RABGAP1L: variants seen among roughly 807,000 people sequenced by gnomAD.
The protein encoded by RABGAP1L is rab GTPase-activating protein 1-like.
In RABGAP1L, 63 loss-of-function variants were observed where a neutral mutation model predicts 137.7. The observed-to-expected ratio is 0.46, with a 90% CI of 0.37 to 0.56. The LOEUF is 0.56. Ranked by LOEUF, RABGAP1L falls within the 20% of genes least tolerant of loss-of-function variation. The probability of loss-of-function intolerance (pLI) is 0.00; values close to 1 mark genes in which losing one functional copy is unlikely to be tolerated. For missense variants in RABGAP1L, 1,095 were observed against 1,244.0 expected (o/e 0.88, Z 1.80); for synonymous variants, 431 against 433.7 (o/e 0.99, Z 0.08).
intron 13 of RABGAP1L, among the ~76,000 whole-genome samples, chr1:174,446,633 T>C (rs1405136585): frequency 1.3e-5 from 2 of 152,230 alleles, no homozygotes; most frequent in African/African-American, 4.8e-5. Context: ...TTCATCTTGA[T>C]ACTTTAGAGG....
intron 20 of RABGAP1L, among the ~76,000 whole-genome samples, chr1:174,962,196 A>ACC (rs146127956): frequency 0.21 from 15,846 of 76,956 alleles, 2,464 homozygotes; most frequent in East Asian, 0.29. Context: ...ATAAAAATAC[A>ACC]CCCCCCCCCC....
At chr1:174,238,282 CTCCA>C (rs1246809068) in intron 4 of RABGAP1L, among the ~76,000 whole-genome samples, 1 of 152,206 alleles carries the variant, frequency 6.6e-6, no homozygotes. Flanking sequence ...GTCAGTCATT[CTCCA>C]TCCAGGTTTG....
intron 13 of RABGAP1L, among the ~76,000 whole-genome samples, chr1:174,438,762 A>G (rs1480049784): frequency 3.5e-5 from 5 of 142,784 alleles, no homozygotes; most frequent in African/African-American, 1.3e-4. Context: ...ATATATATAT[A>G]TATATATATA....
intron 7 of RABGAP1L, among the ~76,000 whole-genome samples, chr1:174,253,545 A>G (rs1672883280): frequency 1.3e-5 from 2 of 152,178 alleles, no homozygotes; most frequent in Admixed American, 1.3e-4. Context: ...AATACCTAGT[A>G]CTTCTTTGTC....
intron 13 of RABGAP1L, among the ~76,000 whole-genome samples, chr1:174,587,341 T>C (rs186797364): frequency 0.022 from 3,361 of 149,594 alleles, 59 homozygotes; most frequent in Middle Eastern, 0.086. Flanking sequence ...ATACTTAATG[T>C]TAGATGACGA....
intron 13 of RABGAP1L, among the ~76,000 whole-genome samples, chr1:174,608,787 C>A (rs1179250428): frequency 8.6e-5 from 13 of 152,012 alleles, no homozygotes; most frequent in Non-Finnish European, 1.5e-5. Flanking sequence ...ACTGTACAGA[C>A]TGATTGAAGG....
chr1:174,586,640 C>G (rs1572409014), intron 13 of RABGAP1L, among the ~76,000 whole-genome samples: 1 of 152,112 alleles, frequency 6.6e-6, no homozygotes, highest in African/African-American at 2.4e-5. Flanking sequence ...TCTCATTGCC[C>G]AGGCTGGAGT....
chr1:174,614,830 A>G (rs553311405), intron 13 of RABGAP1L, among the ~76,000 whole-genome samples: 3 of 152,042 alleles, frequency 2.0e-5, no homozygotes, highest in South Asian at 2.1e-4. Flanking sequence ...CATTCATTTG[A>G]TCTTCCATCA....
chr1:174,410,619 T>C (rs1649814344), intron 13 of RABGAP1L, among the ~76,000 whole-genome samples: 1 of 152,196 alleles, frequency 6.6e-6, no homozygotes, highest in Non-Finnish European at 1.5e-5. Flanking sequence ...TTGTACCAAT[T>C]ATCATGCTGT....
At chr1:174,984,030 A>G (rs1215759650) in intron 24 of RABGAP1L, among the ~76,000 whole-genome samples, 14 of 147,076 alleles carry the variant, frequency 9.5e-5, no homozygotes, top group Non-Finnish European at 1.8e-4. Flanking sequence ...ACTCTCCTGA[A>G]GTGAATTTTT....
At chr1:174,969,144 T>C in intron 20 of RABGAP1L, 133 bp from the exon 21 acceptor site, 1 of 665,432 alleles carries the variant, frequency 1.5e-6, no homozygotes, top group South Asian at 1.8e-5. Flanking sequence ...AATCCTGCCT[T>C]CCTGTGCCAC....
chr1:174,547,130 T>G (rs554162108), intron 13 of RABGAP1L, among the ~76,000 whole-genome samples: 8 of 150,512 alleles, frequency 5.3e-5, no homozygotes, highest in Non-Finnish European at 8.9e-5. Context: ...AGTTTTGACA[T>G]AGAGATTTAA....
rs1158618810 is a variant in RABGAP1L, at chr1:174,989,995, C to T, written c.3150C>T (p.Ser1050=). 10 of 1,541,620 alleles carry T rather than the reference C, an allele frequency of 6.5e-6. No homozygotes were observed. The highest frequency in any genetic ancestry group is 7.9e-6 in the Non-Finnish European group (9 of 1,138,830). ...PAPVTQPPKE[S]T is the part of the protein sequence containing the mutation. Reference sequence around the variant, plus strand: ...CGGTCACCCAGCCACCCAAGGAGAGCACATAGTTCCAGCCTTACCCAAGCA... The same window carrying T: ...CGGTCACCCAGCCACCCAAGGAGAGTACATAGTTCCAGCCTTACCCAAGCA... The change falls in exon 26 of 26, where the codon AGC becomes AGT. Residue 1050 remains serine, a synonymous_variant. Transcript: ENST00000681986.
At chr1:174,423,107 A>G (rs1056031384) in intron 13 of RABGAP1L, among the ~76,000 whole-genome samples, 1 of 152,066 alleles carries the variant, frequency 6.6e-6, no homozygotes, top group Non-Finnish European at 1.5e-5. Flanking sequence ...TTATCAGTGT[A>G]TTTCCCTTTT....
At chr1:174,423,889 A>T (rs1295981629) in intron 13 of RABGAP1L, among the ~76,000 whole-genome samples, 1 of 152,258 alleles carries the variant, frequency 6.6e-6, no homozygotes, top group East Asian at 1.9e-4. Context: ...ATCTGTTTGG[A>T]ACCAAACTTT....
intron 19 of RABGAP1L, among the ~76,000 whole-genome samples, chr1:174,873,660 G>A (rs1176905208): frequency 3.3e-5 from 5 of 151,306 alleles, no homozygotes; most frequent in East Asian, 2.0e-4. Flanking sequence ...ACAGGCGCGC[G>A]CCACCACGCC....
chr1:174,864,861 A>T (rs2149033730), intron 19 of RABGAP1L, among the ~76,000 whole-genome samples: 1 of 152,310 alleles, frequency 6.6e-6, no homozygotes. Context: ...TCACTCCTGT[A>T]ATCTCAGCAC....
chr1:174,434,053 C>A (rs1652950186), intron 13 of RABGAP1L, among the ~76,000 whole-genome samples: 2 of 151,292 alleles, frequency 1.3e-5, no homozygotes, highest in Admixed American at 6.6e-5. Context: ...TTCCCTCATA[C>A]CTCTTGCCAG....
intron 13 of RABGAP1L, among the ~76,000 whole-genome samples, chr1:174,616,814 G>A (rs1183552623): frequency 1.3e-5 from 2 of 152,172 alleles, no homozygotes; most frequent in East Asian, 1.9e-4. Flanking sequence ...ACAGTTTGTG[G>A]CCTTTTGCTG....
Sources: allele counts gnomAD v4.1 joint callset (sites outside exome capture counted in the v4.1 genomes callset), GRCh38; gene constraint gnomAD v4.1.1; transcripts MANE v1.5; gene names NCBI Gene and HGNC (gene_info 2026-07-23, HGNC 2026-07-21).